The following ODAM variants were observed in gnomAD, a reference collection of about 807,000 sequenced individuals.
The protein encoded by ODAM is odontogenic ameloblast-associated protein.
A neutral mutation model predicts 48.5 loss-of-function variants in ODAM; 55 were observed. The ratio of observed to expected loss-of-function variants is 1.13; its 90% CI spans 0.91 to 1.42. ODAM has a LOEUF of 1.42. ODAM is among the 40% of genes most tolerant of loss of function. ODAM has a pLI of 0.00. For missense variants in ODAM, 353 were observed against 323.6 expected, an observed-to-expected ratio of 1.09 and a Z score of -0.70; for synonymous variants, 127 against 107.8, an observed-to-expected ratio of 1.18 and a Z score of -1.10.
chr4:70,203,347 C>A (rs931754712), intron 11 of ODAM, 133 bp downstream of exon 11: 1 of 505,228 alleles, frequency 2.0e-6, no homozygotes. Flanking sequence ...CTATATATAC[C>A]TATAAAATTA....
At chr4:70,202,970 A>G (rs1729539226) in intron 10 of ODAM, 53 bp downstream of exon 10, 1 of 1,520,696 alleles carries the variant, frequency 6.6e-7, no homozygotes, top group African/African-American at 1.4e-5. Flanking sequence ...ATGAAAAAAT[A>G]CAGTGATAAA....
chr4:70,200,225 T>G (rs1178131672), intron 6 of ODAM: 4 of 322,408 alleles, frequency 1.2e-5, no homozygotes, highest in Non-Finnish European at 2.1e-5. Context: ...AGATGTCCTT[T>G]GAAAAAAAAA....
At chr4:70,196,825 C>A in intron 3 of ODAM, 92 bp downstream of exon 3, 1 of 972,406 alleles carries the variant, frequency 1.0e-6, no homozygotes, top group Non-Finnish European at 1.6e-6. Flanking sequence ...ATACTGTGTT[C>A]CTCACCACTA....
chr4:70,203,414 G>A (rs1490402552), intron 11 of ODAM, among the ~76,000 whole-genome samples, 200 bp downstream of exon 11: 1 of 151,768 alleles, frequency 6.6e-6, no homozygotes, highest in Admixed American at 6.6e-5. Flanking sequence ...TGAGAATCAT[G>A]TCTGCCTATA....
rs556504909 is a variant in ODAM at position 70,197,295 on chromosome 4, G to A, written c.115G>A (p.Gly39Ser). Residue 39 changes from glycine (G) to serine (S), a missense_variant, in exon 4 of 12, where the codon GGT (glycine) becomes AGT (serine). Coordinates refer to ENST00000683306, the MANE Select transcript of ODAM (RefSeq NM_017855.4). ...SNELLLNLNN[G>S]QLLPLQLQGP... ...CTAGTTACTTCTTAATCTTAATAAT[G>A]GTCAACTTTTGCCACTACAACTTCA... The A allele has an allele frequency of 1.4e-6, 2 of 1,444,032 alleles. No individual in the cohort carries two copies. Among genetic ancestry groups the A allele is most frequent in the Admixed American group, 3.4e-5 (2 of 59,146 alleles). The allele number at this position is 1,444,032 out of a possible 1,614,324, so 89.5% of individuals were successfully genotyped here.
Position 70,202,897 on chromosome 4 carries a change from C to G in ODAM, c.790C>G (p.Pro264Ala), listed in dbSNP as rs1255270147. 6.2e-7 allele frequency: 1 copy of G among 1,610,374 alleles called. No homozygotes were observed. The highest frequency in any genetic ancestry group is 8.5e-7 in the Non-Finnish European group (1 of 1,178,460). Residue 264 changes from proline to alanine, a missense_variant, in exon 10 of 12, where the codon CCA becomes GCA. By Grantham distance (27) the Pro-to-Ala change is conservative. Transcript: ENST00000683306. ...FTSAVDQTIT[P>A]ELPEEKDKTD... ...TTCTGCTGTAGACCAAACTATTACC[C>G]CAGAGCTCCCAGAAGAGAAGGTAGA...
At position 70,202,810 on chromosome 4, in the gene ODAM, G is replaced by A. The variant is rs766755562; in HGVS notation, c.703G>A (p.Asp235Asn). The change falls in exon 10 of 12, where the codon GAC (aspartate) becomes AAC (asparagine). Residue 235 changes from aspartate to asparagine, a missense_variant. Asp to Asn is a conservative substitution (Grantham distance 23, BLOSUM62 1). Transcript: ENST00000683306. The stretch of plus-strand genomic sequence containing the variant: ...AAAAGAAGCGATCAACTTTAGACAT[G>A]ACAGTGCAGGAGTTTTCATGCCCTC... ...LQKEAINFRHDSAGVFMPSTS... is the reference protein window; with the variant it reads ...LQKEAINFRHNSAGVFMPSTS... The A allele has an allele frequency of 9.3e-6, 15 of 1,611,922 alleles. No individual in the cohort carries two copies. The East Asian group carries it at 3.4e-4, about 36-fold the overall frequency.
chr4:70,202,375 T>C (rs1729519293), intron 9 of ODAM, 46 bp downstream of exon 9: 1 of 1,417,418 alleles, frequency 7.1e-7, no homozygotes, highest in Non-Finnish European at 1.0e-6. Flanking sequence ...AATCAACAAT[T>C]GACAACTTAC....
intron 4 of ODAM, 110 bp from the exon 5 acceptor site, chr4:70,197,814 A>T (rs753841147): frequency 2.7e-5 from 21 of 777,386 alleles, no homozygotes; most frequent in Non-Finnish European, 4.0e-5. Flanking sequence ...ATGTTGCAAC[A>T]TTGGAACTAT....
intron 3 of ODAM, 92 bp from the exon 4 acceptor site, chr4:70,197,181 CA>C (rs1342590912): frequency 2.1e-5 from 14 of 676,050 alleles, no homozygotes; most frequent in Admixed American, 1.3e-4. Context: ...ATTGAGCAAC[CA>C]GCTATGACTT....
rs113435293 is a variant in ODAM at position 70,199,555 on chromosome 4, C to T, written c.423+929C>T. ...ATAGCTGAGTTGGAATATAATTCTC[C>T]ACCCCTTCTGTCTCCTTTAACCATG... On this transcript the variant is annotated intron_variant, in intron 6 of 11. Transcript: ENST00000683306. Among the ~76,000 whole-genome samples the T allele has an allele frequency of 7.7e-3, 1,170 of 152,054 alleles. 18 individuals are homozygous for T. Among genetic ancestry groups the T allele is most frequent in the African/African-American group, 0.027 (1,109 of 41,520 alleles).
chr4:70,196,652 T>C, intron 2 of ODAM, 40 bp from the exon 3 acceptor site: 1 of 1,600,704 alleles, frequency 6.2e-7, no homozygotes, highest in Non-Finnish European at 8.5e-7. Context: ...CAATCCCTTC[T>C]TTTTACTATT....
At chr4:70,202,119 A>G in intron 8 of ODAM, 139 bp from the exon 9 acceptor site, 3 of 652,918 alleles carry the variant, frequency 4.6e-6, no homozygotes, top group Non-Finnish European at 8.1e-6. Context: ...AATAGCAAAA[A>G]TTAAACTATT....
rs142859707 is a variant in ODAM at position 70,199,651 on chromosome 4, C to T, written c.424-846C>T. 1.1e-4 allele frequency among the ~76,000 whole-genome samples: 16 copies of T among 152,054 alleles called. No individual in the cohort carries two copies. The East Asian group carries it at 3.1e-3, about 30-fold the overall frequency. On this transcript the variant is annotated intron_variant, in intron 6 of 11. Coordinates refer to ENST00000683306, the MANE Select transcript of ODAM (RefSeq NM_017855.4). ...TTTGAAAATTACAGACGTCTGAACCCTACCCCAGTGAATCAATACCCCATG... is the reference window on the plus strand; with the variant it reads ...TTTGAAAATTACAGACGTCTGAACCTTACCCCAGTGAATCAATACCCCATG...
intron 5 of ODAM, 66 bp downstream of exon 5, chr4:70,198,223 A>G (rs1729422093): frequency 2.3e-6 from 3 of 1,331,362 alleles, no homozygotes; most frequent in Non-Finnish European, 3.1e-6. Flanking sequence ...GACAATGAAT[A>G]TGAATCAGCT....
At chr4:70,196,851 C>A in intron 3 of ODAM, 118 bp downstream of exon 3, 1 of 720,096 alleles carries the variant, frequency 1.4e-6, no homozygotes, top group Non-Finnish European at 2.3e-6. Context: ...TATGTATATC[C>A]AAGCACATTT....
intron 5 of ODAM, 63 bp from the exon 6 acceptor site, chr4:70,198,516 G>A (rs1022962177): frequency 1.6e-6 from 2 of 1,281,054 alleles, no homozygotes; most frequent in Middle Eastern, 1.9e-4. Context: ...AGGAAAAGCA[G>A]CTCAGGGATT....
At chr4:70,200,850 C>A (rs893092749) in intron 7 of ODAM, among the ~76,000 whole-genome samples, 1 of 151,712 alleles carries the variant, frequency 6.6e-6, no homozygotes. Flanking sequence ...AGAATCAAGG[C>A]CAAAAAGCTG....
At chr4:70,199,710 C>T (rs1729455674) in intron 6 of ODAM, among the ~76,000 whole-genome samples, 2 of 151,990 alleles carry the variant, frequency 1.3e-5, no homozygotes, top group African/African-American at 2.4e-5. Context: ...TTCTAAAATG[C>T]TCAAATGTGA....
Sources: allele counts gnomAD v4.1 joint callset (sites outside exome capture counted in the v4.1 genomes callset), GRCh38; gene constraint gnomAD v4.1.1; transcripts MANE v1.5; gene names NCBI Gene and HGNC (gene_info 2026-07-23, HGNC 2026-07-21).